Variants in ROBO1 observed in about 807,000 individuals in gnomAD.
The protein encoded by ROBO1 is roundabout guidance receptor 1.
In ROBO1, 149 loss-of-function variants were observed where a neutral mutation model predicts 195.9. That is an observed-to-expected ratio of 0.76 (90% CI 0.67 to 0.87). The LOEUF is 0.87. ROBO1 is among the 40% of genes least tolerant of loss of function. The probability of loss-of-function intolerance (pLI) is 0.00; values close to 1 mark genes in which losing one functional copy is unlikely to be tolerated. For synonymous variants in ROBO1, 816 were observed against 733.2 expected (o/e 1.11, Z -1.82); for missense variants, 1,933 against 2,068.3 (o/e 0.93, Z 1.27).
At chr3:79,066,885 T>C (rs1425167426) in intron 3 of ROBO1, among the ~76,000 whole-genome samples, 1 of 151,908 alleles carries the variant, frequency 6.6e-6, no homozygotes, top group Non-Finnish European at 1.5e-5. Context: ...GAAGCTTTAC[T>C]CCAAAGTTGG....
intron 10 of ROBO1, among the ~76,000 whole-genome samples, chr3:78,677,238 A>G (rs1708492739): frequency 6.6e-6 from 1 of 152,226 alleles, no homozygotes; most frequent in Non-Finnish European, 1.5e-5. Context: ...TGTAAAGACC[A>G]TCAAGGCTAG....
intron 3 of ROBO1, among the ~76,000 whole-genome samples, chr3:78,944,947 C>A (rs1470217682): frequency 6.6e-6 from 1 of 152,248 alleles, no homozygotes; most frequent in Non-Finnish European, 1.5e-5. Flanking sequence ...AACTGCAAGG[C>A]GGCAGTGAGG....
intron 4 of ROBO1, among the ~76,000 whole-genome samples, chr3:78,925,120 T>C (rs189904946): frequency 6.6e-6 from 1 of 152,174 alleles, no homozygotes; most frequent in African/African-American, 2.4e-5. Context: ...TACATTTAGC[T>C]ATAATGTTAA....
chr3:78,603,716 G>A (rs921145271), intron 29 of ROBO1, among the ~76,000 whole-genome samples: 2 of 152,000 alleles, frequency 1.3e-5, no homozygotes, highest in Admixed American at 6.6e-5. Flanking sequence ...AATTATGAAG[G>A]TGAAAATTAC....
chr3:79,573,024 C>T (rs1576047343), intron 2 of ROBO1, among the ~76,000 whole-genome samples: 1 of 152,212 alleles, frequency 6.6e-6, no homozygotes, highest in Non-Finnish European at 1.5e-5. Context: ...CAAATCCTGG[C>T]TCTGCTCATT....
At chr3:79,129,449 C>A (rs1489686399) in intron 2 of ROBO1, among the ~76,000 whole-genome samples, 1 of 151,854 alleles carries the variant, frequency 6.6e-6, no homozygotes. Context: ...TACATACACA[C>A]AAACAGTATA....
intron 4 of ROBO1, among the ~76,000 whole-genome samples, chr3:78,931,978 A>C (rs1318571753): frequency 6.6e-6 from 1 of 152,142 alleles, no homozygotes; most frequent in East Asian, 1.9e-4. Context: ...CTGTCTCAAA[A>C]ATAAAAAAAA....
intron 3 of ROBO1, among the ~76,000 whole-genome samples, chr3:78,984,528 T>C (rs1230554907): frequency 2.6e-5 from 4 of 152,166 alleles, no homozygotes; most frequent in Non-Finnish European, 5.9e-5. Context: ...AAAAATGTTA[T>C]AAAGGTATTT....
At chr3:79,495,533 A>G (rs1405214094) in intron 2 of ROBO1, among the ~76,000 whole-genome samples, 2 of 152,214 alleles carry the variant, frequency 1.3e-5, no homozygotes, top group Non-Finnish European at 1.5e-5. Context: ...AATTAAATGG[A>G]AAGTCTTAAA....
intron 1 of ROBO1, among the ~76,000 whole-genome samples, chr3:79,596,158 G>C (rs72631224): frequency 0.081 from 12,371 of 152,040 alleles, 573 homozygotes; most frequent in East Asian, 0.15. Flanking sequence ...CTAGAGTTTT[G>C]TGAAAATTAA....
chr3:79,463,332 G>A (rs563976221), intron 2 of ROBO1, among the ~76,000 whole-genome samples: 10 of 150,182 alleles, frequency 6.7e-5, no homozygotes, highest in South Asian at 2.1e-4. Flanking sequence ...CTGAGGTCGC[G>A]CCACTGCACT....
At chr3:78,844,861 C>G (rs2033545000) in intron 4 of ROBO1, among the ~76,000 whole-genome samples, 1 of 151,998 alleles carries the variant, frequency 6.6e-6, no homozygotes, top group African/African-American at 2.4e-5. Context: ...TGAAATTCCT[C>G]CAAAGCAGTC....
chr3:79,148,116 ATTCT>A (rs2080692088), intron 2 of ROBO1, among the ~76,000 whole-genome samples: 1 of 151,798 alleles, frequency 6.6e-6, no homozygotes, highest in South Asian at 2.1e-4. Context: ...CGCAATAATT[ATTCT>A]TTGATTCCTC....
At chr3:78,681,998 C>A (rs1205003783) in intron 10 of ROBO1, among the ~76,000 whole-genome samples, 1 of 152,128 alleles carries the variant, frequency 6.6e-6, no homozygotes, top group African/African-American at 2.4e-5. Context: ...AATGGTAAAG[C>A]ACGTTAAGGA....
chr3:78,617,506 T>TAA (rs373038212), intron 27 of ROBO1, 129 bp downstream of exon 27: 125,933 of 707,920 alleles, frequency 0.18, 3,180 homozygotes, highest in East Asian at 0.29. Flanking sequence ...CTTAGGCAGC[T>TAA]AAAAAAAAAA....
chr3:78,794,167 C>A (rs2084112395), intron 4 of ROBO1, among the ~76,000 whole-genome samples: 1 of 152,166 alleles, frequency 6.6e-6, no homozygotes, highest in Admixed American at 6.5e-5. Context: ...ACTGTCTGGG[C>A]TGGATCCTGG....
intron 3 of ROBO1, among the ~76,000 whole-genome samples, chr3:78,947,168 C>T (rs1307426470): frequency 2.6e-5 from 4 of 152,098 alleles, no homozygotes; most frequent in Middle Eastern, 3.2e-3. Flanking sequence ...CTGCACCAAG[C>T]GGACCTAATA....
At chr3:79,624,441 T>C (rs1945104312) in intron 1 of ROBO1, among the ~76,000 whole-genome samples, 1 of 152,076 alleles carries the variant, frequency 6.6e-6, no homozygotes, top group African/African-American at 2.4e-5. Context: ...GTATGCTGTA[T>C]TCAGGAGACA....
chr3:79,367,928 T>A (rs2036037641), intron 2 of ROBO1, among the ~76,000 whole-genome samples: 1 of 152,220 alleles, frequency 6.6e-6, no homozygotes, highest in East Asian at 1.9e-4. Flanking sequence ...GATGAATGAA[T>A]AATAGGTAGG....
Sources: gnomAD v4.1 joint callset for allele counts (sites outside exome capture counted in the v4.1 genomes callset) on GRCh38, gnomAD v4.1.1 for gene constraint, MANE v1.5 for transcripts, NCBI Gene and HGNC (gene_info 2026-07-23, HGNC 2026-07-21) for gene names.